DNAJC7: variants seen among roughly 807,000 people sequenced by gnomAD.
DNAJC7 encodes the protein dnaJ homolog subfamily C member 7.
In DNAJC7, 18 loss-of-function variants were observed where a neutral mutation model predicts 67.4. The observed-to-expected ratio is 0.27, with a 90% confidence interval of 0.18 to 0.40. DNAJC7 has a LOEUF of 0.40. Among genes scored for constraint, DNAJC7 ranks in the 10% least tolerant of loss-of-function variants. DNAJC7 has a pLI of 1.00. For synonymous variants in DNAJC7, 220 were observed against 207.8 expected (o/e 1.06, Z -0.50); for missense variants, 419 against 613.8 (o/e 0.68, Z 3.35).
intron 12 of DNAJC7, 96 bp from the exon 13 acceptor site, chr17:41,977,419 C>T: frequency 8.6e-7 from 1 of 1,164,510 alleles, no homozygotes; most frequent in African/African-American, 1.5e-5. Context: ...ATCTCCAAAG[C>T]TTTCCTGGAG....
At chr17:41,982,821 G>T (rs567019563) in intron 10 of DNAJC7, among the ~76,000 whole-genome samples, 1 of 152,014 alleles carries the variant, frequency 6.6e-6, no homozygotes, top group Non-Finnish European at 1.5e-5. Flanking sequence ...TTAGCCAGGC[G>T]TGGTACCATG....
chr17:42,009,703 C>A (rs1259698821), intron 1 of DNAJC7, among the ~76,000 whole-genome samples: 2 of 152,208 alleles, frequency 1.3e-5, no homozygotes, highest in Non-Finnish European at 2.9e-5. Flanking sequence ...AAGTCACTGG[C>A]TTTTCAGCAT....
chr17:41,977,454 C>A, intron 12 of DNAJC7, 131 bp from the exon 13 acceptor site: 1 of 791,490 alleles, frequency 1.3e-6, no homozygotes, highest in Admixed American at 2.5e-5. Context: ...CCTTTCCCAA[C>A]ACTTCAGACT....
intron 1 of DNAJC7, among the ~76,000 whole-genome samples, chr17:42,004,473 A>C (rs562927240): frequency 6.6e-6 from 1 of 152,326 alleles, no homozygotes; most frequent in South Asian, 2.1e-4. Flanking sequence ...TCTAAGCAGA[A>C]TAGCTTCACA....
intron 4 of DNAJC7, among the ~76,000 whole-genome samples, chr17:41,995,877 G>A (rs1235862821): frequency 1.3e-5 from 2 of 152,098 alleles, no homozygotes; most frequent in South Asian, 2.1e-4. Context: ...GTGCGATCAC[G>A]GCTCAGCCTC....
At chr17:41,993,272 A>T (rs1159599556) in intron 5 of DNAJC7, among the ~76,000 whole-genome samples, 3 of 151,992 alleles carry the variant, frequency 2.0e-5, no homozygotes, top group Admixed American at 2.0e-4. Flanking sequence ...ATCCTGGCTA[A>T]CACGGTGAAA....
Position 42,017,424 on chromosome 17 carries a change from C to G in DNAJC7, c.-8G>C. 1 of 1,606,074 alleles carries G rather than the reference C, an allele frequency of 6.2e-7. No individual in the cohort carries two copies. Among genetic ancestry groups the G allele is most frequent in the Admixed American group, 1.7e-5 (1 of 60,028 alleles). ...CTCCGCGGCAGCCGCCATCTTACCG[C>G]CGGGACCAGAGAGCTGGGTGGGAGG... On this transcript the variant is annotated 5_prime_UTR_variant, in exon 1 of 14. Coordinates refer to ENST00000457167, the MANE Select transcript of DNAJC7 (RefSeq NM_003315.4).
intron 10 of DNAJC7, 133 bp from the exon 11 acceptor site, chr17:41,982,534 G>T (rs1428450627): frequency 2.5e-6 from 3 of 1,192,216 alleles, no homozygotes; most frequent in African/African-American, 3.1e-5. Flanking sequence ...TTCTTCTGGA[G>T]ATTAGAAAAA....
chr17:42,005,838 T>C (rs1555650115), intron 1 of DNAJC7, among the ~76,000 whole-genome samples: 3 of 152,080 alleles, frequency 2.0e-5, no homozygotes, highest in African/African-American at 7.2e-5. Flanking sequence ...CCTCCTGGGT[T>C]CAAGCAATTC....
rs2051450612 is a variant in DNAJC7 at position 41,989,143 on chromosome 17, T to C, written c.754-247A>G. Among the ~76,000 whole-genome samples, 3 of 152,216 alleles carry C rather than the reference T, an allele frequency of 2.0e-5. No individual in the cohort carries two copies. In the South Asian group the frequency reaches 6.2e-4, roughly 32 times the overall value. ...CTGCCTTCACTTCTCAGGACAAGTA[T>C]TACTATCTATCTTCACTGAGGGGAA... On this transcript the variant is annotated intron_variant, in intron 7 of 13. Transcript: ENST00000457167.
At chr17:42,007,058 C>T (rs1464644504) in intron 1 of DNAJC7, among the ~76,000 whole-genome samples, 21 of 150,656 alleles carry the variant, frequency 1.4e-4, no homozygotes, top group Middle Eastern at 3.4e-3. Flanking sequence ...GCTGACATCG[C>T]GCCACTGCAC....
intron 5 of DNAJC7, among the ~76,000 whole-genome samples, chr17:41,991,829 G>A (rs376840919): frequency 3.3e-5 from 5 of 152,102 alleles, no homozygotes; most frequent in African/African-American, 1.2e-4. Flanking sequence ...GCAGGCACAC[G>A]TCACCACACT....
chr17:41,978,655 C>T (rs782235989), intron 12 of DNAJC7, among the ~76,000 whole-genome samples: 6 of 151,866 alleles, frequency 4.0e-5, no homozygotes, highest in East Asian at 3.9e-4. Flanking sequence ...GTCAGGAGAT[C>T]GAGATCATCC....
intron 8 of DNAJC7, 76 bp from the exon 9 acceptor site, chr17:41,987,986 A>C: frequency 8.1e-7 from 1 of 1,240,034 alleles, no homozygotes; most frequent in Non-Finnish European, 1.2e-6. Flanking sequence ...GCATGGCTTC[A>C]AAACTCTAAG....
intron 1 of DNAJC7, among the ~76,000 whole-genome samples, chr17:42,004,094 AC>A (rs1488589047): frequency 6.6e-6 from 1 of 151,614 alleles, no homozygotes; most frequent in African/African-American, 2.4e-5. Flanking sequence ...AGCTGGGATT[AC>A]AGGCATGTGC....
chr17:41,982,494 GT>G, intron 10 of DNAJC7, 93 bp from the exon 11 acceptor site: 1 of 1,486,174 alleles, frequency 6.7e-7, no homozygotes, highest in Non-Finnish European at 9.1e-7. Flanking sequence ...TAGAGGCCTT[GT>G]TAACCATGCC....
intron 1 of DNAJC7, among the ~76,000 whole-genome samples, chr17:42,005,767 G>C (rs1555650096): frequency 6.6e-6 from 1 of 151,940 alleles, no homozygotes; most frequent in African/African-American, 2.4e-5. Flanking sequence ...TTGAGACGAA[G>C]TCTGGCTCTG....
In DNAJC7 at chr17:41,983,593, C is replaced by A; in HGVS notation, c.1054G>T (p.Glu352Ter). ...EQYEEAVRDY[E>*]KVYQTEKTKE... ...GTTTTCTCTGTCTGGTATACTTTTT[C>A]ATAGTCTCGTACTGCTTCTTCATAC... The change falls in exon 10 of 14, where the codon GAA (glutamate) becomes TAA (stop). Residue 352 changes from glutamate (E) to a stop codon, truncating the protein, a stop_gained. Coordinates refer to ENST00000457167, the MANE Select transcript of DNAJC7 (RefSeq NM_003315.4). LOFTEE classifies it high-confidence loss of function. 6.2e-7 allele frequency: 1 copy of A among 1,600,486 alleles called. No homozygotes were observed. Among genetic ancestry groups the A allele is most frequent in the South Asian group, 1.1e-5 (1 of 89,188 alleles).
At chr17:41,978,700 A>C (rs1333644463) in intron 12 of DNAJC7, among the ~76,000 whole-genome samples, 1 of 152,136 alleles carries the variant, frequency 6.6e-6, no homozygotes, top group East Asian at 1.9e-4. Context: ...TCTACTAAAA[A>C]AAATAAAAAT....
Sources: allele counts gnomAD v4.1 joint callset (sites outside exome capture counted in the v4.1 genomes callset), GRCh38; gene constraint gnomAD v4.1.1; transcripts MANE v1.5; gene names NCBI Gene and HGNC (gene_info 2026-07-23, HGNC 2026-07-21).